The following TNFRSF13B variants were observed in gnomAD, a reference collection of about 807,000 sequenced individuals.
The protein encoded by TNFRSF13B is TNF receptor superfamily member 13B.
TNFRSF13B carries 34 observed loss-of-function variants against 24.0 expected under a neutral mutation model. The observed-to-expected ratio is 1.41, with a 90% CI of 1.08 to 1.88. The LOEUF is 1.88. TNFRSF13B is among the 40% of genes most tolerant of loss of function. The pLI is 0.00. For synonymous variants in TNFRSF13B, 173 were observed against 150.3 expected (o/e 1.15, Z -1.10); for missense variants, 415 against 380.8 (o/e 1.09, Z -0.75).
intron 1 of TNFRSF13B, among the ~76,000 whole-genome samples, chr17:16,966,199 A>C (rs2087697862): frequency 6.6e-6 from 1 of 151,450 alleles, no homozygotes; most frequent in South Asian, 2.1e-4. Flanking sequence ...AGTTGCAGTG[A>C]GCCGAGATTG....
intron 2 of TNFRSF13B, 80 bp downstream of exon 2, chr17:16,952,366 A>T (rs1040813748): frequency 1.2e-6 from 2 of 1,601,736 alleles, no homozygotes; most frequent in African/African-American, 2.7e-5. Flanking sequence ...CAGCCACCTG[A>T]CTGTGGGGCC....
chr17:16,965,293 T>C (rs971451518), intron 1 of TNFRSF13B, among the ~76,000 whole-genome samples: 4 of 152,080 alleles, frequency 2.6e-5, no homozygotes, highest in Admixed American at 1.3e-4. Context: ...TTAATAATGA[T>C]AGTAGCATCA....
At position 16,965,701 on chromosome 17, in the gene TNFRSF13B, A is replaced by G. The variant is rs78105982; in HGVS notation, c.61+6314T>C. 1.6e-4 allele frequency among the ~76,000 whole-genome samples: 24 copies of G among 152,316 alleles called. No homozygotes were observed. The East Asian group carries it at 4.4e-3, about 28-fold the overall frequency. ...GGTGAAAGTCCTGGGTGTTGCTTTC[A>G]ACACTTGGGAGAGAGGATTCTTGGC... On this transcript the variant is annotated intron_variant, in intron 1 of 4. Transcript: ENST00000261652.
At chr17:16,946,245 A>G (rs2087546887) in intron 3 of TNFRSF13B, among the ~76,000 whole-genome samples, 1 of 152,238 alleles carries the variant, frequency 6.6e-6, no homozygotes, top group African/African-American at 2.4e-5. Context: ...ACCTGGCCTC[A>G]TGGAAATGAT....
chr17:16,956,245 C>G (rs1018146207), intron 1 of TNFRSF13B, among the ~76,000 whole-genome samples: 3 of 152,214 alleles, frequency 2.0e-5, no homozygotes. Flanking sequence ...AAGTCACAAA[C>G]AGATGGCTTC....
At chr17:16,953,169 T>C (rs1468011966) in intron 1 of TNFRSF13B, among the ~76,000 whole-genome samples, 1 of 152,246 alleles carries the variant, frequency 6.6e-6, no homozygotes, top group Non-Finnish European at 1.5e-5. Context: ...TGGCAGGGAC[T>C]GTGCCTAATT....
At chr17:16,969,459 T>C (rs2087728456) in intron 1 of TNFRSF13B, among the ~76,000 whole-genome samples, 1 of 152,186 alleles carries the variant, frequency 6.6e-6, no homozygotes, top group African/African-American at 2.4e-5. Flanking sequence ...TCACAATACA[T>C]CACATATGAT....
At chr17:16,940,041 G>A (rs774175069) in intron 4 of TNFRSF13B, 8 of 994,858 alleles carry the variant, frequency 8.0e-6, no homozygotes, top group Non-Finnish European at 1.1e-5. Context: ...CCCCCAAGGG[G>A]ACACCTCCTC....
chr17:16,968,980 A>T (rs919797872), intron 1 of TNFRSF13B, among the ~76,000 whole-genome samples: 10 of 152,242 alleles, frequency 6.6e-5, no homozygotes, highest in African/African-American at 2.4e-4. Flanking sequence ...GGGAAATGCA[A>T]ATCCAAACCA....
At chr17:16,964,608 T>C (rs771218311) in intron 1 of TNFRSF13B, among the ~76,000 whole-genome samples, 3 of 152,214 alleles carry the variant, frequency 2.0e-5, no homozygotes, top group Non-Finnish European at 2.9e-5. Context: ...CCCAAAGTGC[T>C]GGGATTACAG....
At chr17:16,966,045 G>C (rs1419900028) in intron 1 of TNFRSF13B, among the ~76,000 whole-genome samples, 1 of 152,074 alleles carries the variant, frequency 6.6e-6, no homozygotes, top group Non-Finnish European at 1.5e-5. Context: ...CCTGAGGTCA[G>C]GAGTTCGAGA....
intron 1 of TNFRSF13B, among the ~76,000 whole-genome samples, chr17:16,958,045 C>G (rs72637383): frequency 0.024 from 3,705 of 151,954 alleles, 198 homozygotes; most frequent in East Asian, 0.22. Flanking sequence ...TGATTGCAAA[C>G]CTATGTTAGT....
intron 1 of TNFRSF13B, among the ~76,000 whole-genome samples, chr17:16,971,609 T>G (rs1321358070): frequency 6.6e-6 from 1 of 152,180 alleles, no homozygotes; most frequent in Non-Finnish European, 1.5e-5. Context: ...GGTATGATGC[T>G]TAGTTTTTTG....
In TNFRSF13B at chr17:16,964,786, G is replaced by A. The variant is rs141742910; in HGVS notation, c.61+7229C>T. On this transcript the variant is annotated intron_variant, in intron 1 of 4. Transcript: ENST00000261652. ...CCTCCTGCCAGCTCATGTTGAAAACGGATTCGCCATGGTTCAGTGACCCAG... is the reference window on the plus strand; with the variant it reads ...CCTCCTGCCAGCTCATGTTGAAAACAGATTCGCCATGGTTCAGTGACCCAG... 3.0e-3 allele frequency among the ~76,000 whole-genome samples: 464 copies of A among 152,252 alleles called. 3 individuals are homozygous for A. The highest frequency in any genetic ancestry group is 5.0e-3 in the Non-Finnish European group (342 of 68,016).
chr17:16,956,064 C>A (rs898221590), intron 1 of TNFRSF13B, among the ~76,000 whole-genome samples: 2 of 152,204 alleles, frequency 1.3e-5, no homozygotes, highest in African/African-American at 2.4e-5. Flanking sequence ...AGACAGTATC[C>A]TTCTCTGGTC....
chr17:16,945,103 G>T (rs1164473453), intron 3 of TNFRSF13B, among the ~76,000 whole-genome samples: 1 of 152,248 alleles, frequency 6.6e-6, no homozygotes. Context: ...GGGTAGGGCA[G>T]TGCACAGCGA....
Position 16,952,411 on chromosome 17 carries a change from C to A in TNFRSF13B, c.199+35G>T, listed in dbSNP as rs373802998. 5.0e-6 allele frequency: 8 copies of A among 1,613,408 alleles called. No individual in the cohort carries two copies. The African/African-American group carries it at 9.3e-5, about 19-fold the overall frequency. ...TCTAGGGAGAAAGGAGGAGGGTGAT[C>A]ACACTGTCCCCTCGGCTCAGGCCCC... On this transcript the variant is annotated intron_variant, in intron 2 of 4. Coordinates refer to ENST00000261652, the MANE Select transcript of TNFRSF13B (RefSeq NM_012452.3).
At chr17:16,969,317 C>T (rs768949198) in intron 1 of TNFRSF13B, among the ~76,000 whole-genome samples, 1 of 152,160 alleles carries the variant, frequency 6.6e-6, no homozygotes, top group African/African-American at 2.4e-5. Flanking sequence ...TGTCCATCCA[C>T]CGATGACTGG....
chr17:16,952,322 C>T lies in TNFRSF13B; in HGVS notation c.199+124G>A, dbSNP rs1047686260. 6.4e-6 allele frequency: 9 copies of T among 1,399,502 alleles called. No individual in the cohort carries two copies. The African/African-American group carries it at 1.3e-4, about 20-fold the overall frequency. 86.7% of individuals were successfully genotyped at this position (1,399,502 alleles called of 1,614,324 possible). A position where few individuals can be genotyped will look rare whatever the true frequency, so the allele number is the denominator to read the frequency against. The stretch of plus-strand genomic sequence containing the variant: ...CAGAAAGGTGGAGGGGTAAGAGGTG[C>T]CACACTGTACATCTCCTCCTGCCAC... On this transcript the variant is annotated intron_variant, in intron 2 of 4. Transcript: ENST00000261652.
Sources: allele counts gnomAD v4.1 joint callset (sites outside exome capture counted in the v4.1 genomes callset), GRCh38; gene constraint gnomAD v4.1.1; transcripts MANE v1.5; gene names NCBI Gene and HGNC (gene_info 2026-07-23, HGNC 2026-07-21).